Variants in RBPJ observed in about 807,000 individuals in gnomAD.
RBPJ encodes the protein recombining binding protein suppressor of hairless.
A neutral mutation model predicts 67.8 loss-of-function variants in RBPJ; 9 were observed. The observed-to-expected ratio is 0.13, with a 90% CI of 0.08 to 0.23. RBPJ has a LOEUF of 0.23. Among genes scored for constraint, RBPJ ranks in the 10% least tolerant of loss-of-function variants. The pLI, the probability that RBPJ is intolerant of heterozygous loss-of-function variation, is 1.00. For missense variants in RBPJ, 305 were observed against 595.6 expected (o/e 0.51, Z 5.08); for synonymous variants, 198 against 203.3 (o/e 0.97, Z 0.22).
At chr4:26,305,946 AT>A (rs200890481) in intron 1 of RBPJ, among the ~76,000 whole-genome samples, 146 of 146,990 alleles carry the variant, frequency 9.9e-4, no homozygotes, top group African/African-American at 3.3e-3. Context: ...CCCTTGGCTA[AT>A]TTTTTTTTTA....
chr4:26,289,637 A>G (rs1721602132), intron 1 of RBPJ, among the ~76,000 whole-genome samples: 1 of 150,642 alleles, frequency 6.6e-6, no homozygotes, highest in African/African-American at 2.4e-5. Context: ...ACCGCTTAAC[A>G]TTGTGGTCAG....
At chr4:26,189,940 C>T (rs1003807108) in intron 1 of RBPJ, among the ~76,000 whole-genome samples, 2 of 152,166 alleles carry the variant, frequency 1.3e-5, no homozygotes, top group African/African-American at 4.8e-5. Flanking sequence ...GTTCCCCCAA[C>T]ACACCCAACA....
chr4:26,148,036 T>A, the RBPJ span, among the ~76,000 whole-genome samples: 1 of 152,194 alleles, frequency 6.6e-6, no homozygotes, highest in Non-Finnish European at 1.5e-5. Flanking sequence ...CCCACTCAGA[T>A]GATTCTAGTG....
intron 1 of RBPJ, among the ~76,000 whole-genome samples, chr4:26,358,333 A>G (rs1727628165): frequency 6.6e-6 from 1 of 152,098 alleles, no homozygotes; most frequent in African/African-American, 2.4e-5. Context: ...TTCTTAATAT[A>G]TGGTAATTGG....
chr4:26,115,044 C>T, the RBPJ span, among the ~76,000 whole-genome samples: 7 of 152,298 alleles, frequency 4.6e-5, no homozygotes, highest in Admixed American at 4.6e-4. Flanking sequence ...TGCTACTGCA[C>T]GTCTCTTCCC....
At chr4:26,387,615 G>T (rs548107970) in intron 2 of RBPJ, among the ~76,000 whole-genome samples, 1 of 152,298 alleles carries the variant, frequency 6.6e-6, no homozygotes, top group Admixed American at 6.5e-5. Flanking sequence ...AGTTAGCAGG[G>T]CTGCAAAGTG....
intron 1 of RBPJ, among the ~76,000 whole-genome samples, chr4:26,203,498 A>C (rs750152084): frequency 2.6e-5 from 4 of 151,940 alleles, no homozygotes; most frequent in Non-Finnish European, 5.9e-5. Context: ...TCATAAATTT[A>C]TTTATCTCTG....
At chr4:26,301,402 C>T (rs1400648104) in intron 1 of RBPJ, among the ~76,000 whole-genome samples, 1 of 152,010 alleles carries the variant, frequency 6.6e-6, no homozygotes, top group Non-Finnish European at 1.5e-5. Flanking sequence ...ACCATCTTGG[C>T]TCACACGGTG....
chr4:26,303,849 C>G (rs1472745630), intron 1 of RBPJ, among the ~76,000 whole-genome samples: 1 of 152,182 alleles, frequency 6.6e-6, no homozygotes, highest in Non-Finnish European at 1.5e-5. Context: ...TTTCTGCTCT[C>G]TCTCCTGTCT....
intron 1 of RBPJ, among the ~76,000 whole-genome samples, chr4:26,197,648 G>A (rs1035621299): frequency 1.9e-4 from 29 of 152,102 alleles, no homozygotes; most frequent in African/African-American, 5.8e-4. Context: ...CCCCTAAAGC[G>A]GCAAGAGAGA....
chr4:26,230,181 C>A (rs1446264554), intron 1 of RBPJ, among the ~76,000 whole-genome samples: 2 of 148,562 alleles, frequency 1.3e-5, no homozygotes, highest in Non-Finnish European at 3.0e-5. Flanking sequence ...TATAGTGAGA[C>A]CCTATCTTAA....
chr4:26,123,040 T>G, the RBPJ span, among the ~76,000 whole-genome samples: 2 of 152,194 alleles, frequency 1.3e-5, no homozygotes, highest in South Asian at 4.1e-4. Context: ...AATACAGTTA[T>G]GCATTGCTTA....
intron 2 of RBPJ, among the ~76,000 whole-genome samples, chr4:26,403,983 C>T (rs1426243874): frequency 6.6e-6 from 1 of 152,198 alleles, no homozygotes; most frequent in Admixed American, 6.5e-5. Flanking sequence ...AACAGTTGAA[C>T]TAATTTACGC....
chr4:26,319,936 CCCGGTG>C (rs775995653), upstream of RBPJ: 5 of 1,533,014 alleles, frequency 3.3e-6, no homozygotes, highest in East Asian at 1.2e-4. Context: ...CTGTTCCATG[CCCGGTG>C]GGGCCAGGTT....
intron 1 of RBPJ, among the ~76,000 whole-genome samples, chr4:26,252,142 C>T (rs1262150419): frequency 2.7e-5 from 4 of 150,334 alleles, no homozygotes; most frequent in African/African-American, 7.4e-5. Flanking sequence ...TATAGTATGT[C>T]GGCATGAAGT....
At chr4:26,328,636 G>A (rs1723903112) in intron 1 of RBPJ, among the ~76,000 whole-genome samples, 1 of 152,100 alleles carries the variant, frequency 6.6e-6, no homozygotes, top group African/African-American at 2.4e-5. Context: ...TGGCTGGTTG[G>A]TGTTTTTTAG....
At chr4:26,299,108 C>CA (rs1721983599) in intron 1 of RBPJ, among the ~76,000 whole-genome samples, 1 of 151,972 alleles carries the variant, frequency 6.6e-6, no homozygotes, top group Non-Finnish European at 1.5e-5. Flanking sequence ...CTTTCTACCT[C>CA]AAAAAAATAA....
intron 1 of RBPJ, among the ~76,000 whole-genome samples, chr4:26,281,854 G>A (rs751905953): frequency 2.6e-5 from 4 of 152,124 alleles, no homozygotes; most frequent in Non-Finnish European, 5.9e-5. Flanking sequence ...GAAGAGTTAC[G>A]CTAATTTAAC....
intron 1 of RBPJ, among the ~76,000 whole-genome samples, chr4:26,361,059 G>A (rs1033970486): frequency 1.5e-5 from 2 of 129,336 alleles, no homozygotes; most frequent in African/African-American, 6.8e-5. Flanking sequence ...GTGTGTGTGC[G>A]TGTGTGTGTG....
Sources: gnomAD v4.1 joint callset for allele counts (sites outside exome capture counted in the v4.1 genomes callset) on GRCh38, gnomAD v4.1.1 for gene constraint, MANE v1.5 for transcripts, NCBI Gene and HGNC (gene_info 2026-07-23, HGNC 2026-07-21) for gene names.